The following GALNT18 variants were observed in gnomAD, a reference collection of about 807,000 sequenced individuals.
GALNT18 encodes the protein GalNAc-transferase 18.
In GALNT18, 44 loss-of-function variants were observed where a neutral mutation model predicts 69.5. That is an observed-to-expected ratio of 0.63 (90% CI 0.50 to 0.81). The LOEUF (loss-of-function observed/expected upper bound fraction) is 0.81, where lower values mean the gene tolerates loss of function less well. Among genes scored for constraint, GALNT18 ranks in the 40% least tolerant of loss-of-function variants. GALNT18 has a pLI of 0.00. For synonymous variants in GALNT18, 364 were observed against 318.2 expected (o/e 1.14, Z -1.53); for missense variants, 715 against 810.0 (o/e 0.88, Z 1.42).
chr11:11,529,835 T>C (rs548512249), intron 1 of GALNT18, among the ~76,000 whole-genome samples: 2 of 152,286 alleles, frequency 1.3e-5, no homozygotes, highest in East Asian at 3.9e-4. Context: ...TGTGTATGTG[T>C]GTGAGTGTGT....
rs796759591 is a variant in GALNT18 at position 11,620,869 on chromosome 11, C to T, written c.235+490G>A. The stretch of plus-strand genomic sequence containing the variant: ...ATACAACGCAATTTTCCTAGCCTCG[C>T]TTGTCCGGCAGCCTGCGGGTCTTAA... On this transcript the variant is annotated intron_variant, in intron 1 of 10. Coordinates refer to ENST00000227756, the MANE Select transcript of GALNT18 (RefSeq NM_198516.3). This position sits in a 1 kb window ranked among gnomAD's most constrained non-coding sequence, Gnocchi z 6.9. Among the ~76,000 whole-genome samples, 132 of 152,202 alleles carry T rather than the reference C, an allele frequency of 8.7e-4. No individual in the cohort carries two copies. Among genetic ancestry groups the T allele is most frequent in the African/African-American group, 2.9e-3 (122 of 41,460 alleles).
chr11:11,354,976 A>G (rs1850497892), intron 6 of GALNT18, among the ~76,000 whole-genome samples: 1 of 152,082 alleles, frequency 6.6e-6, no homozygotes. Context: ...TACCTCCTAA[A>G]TATAGCTTGA....
chr11:11,352,317 C>T (rs751843303), intron 6 of GALNT18: 18 of 1,613,894 alleles, frequency 1.1e-5, no homozygotes, highest in African/African-American at 4.0e-5. Flanking sequence ...ATCATTGAAA[C>T]GTGGATCTAA....
chr11:11,570,623 C>T (rs1378076704), intron 1 of GALNT18, among the ~76,000 whole-genome samples: 1 of 152,250 alleles, frequency 6.6e-6, no homozygotes, highest in African/African-American at 2.4e-5. Flanking sequence ...GCCACCCCAG[C>T]TCAGGAAGGA....
At chr11:11,371,263 A>T (rs1015780212) in intron 6 of GALNT18, among the ~76,000 whole-genome samples, 6 of 152,196 alleles carry the variant, frequency 3.9e-5, no homozygotes, top group Admixed American at 1.3e-4. Flanking sequence ...GTGGGTGTCC[A>T]ATCTCCCCTT....
Position 11,320,345 on chromosome 11 carries a change from C to T in GALNT18, c.1512+6741G>A, listed in dbSNP as rs1243163292. On this transcript the variant is annotated intron_variant, in intron 9 of 10. Coordinates refer to ENST00000227756, the MANE Select transcript of GALNT18 (RefSeq NM_198516.3). The surrounding 1 kb of genome is among the most constrained non-coding windows in gnomAD (Gnocchi z 4.9). ...TCTCCTGCAGTTGTACAGTGCACAA[C>T]CTGCACAATGGCATGTGACAGTTCC... Among the ~76,000 whole-genome samples the T allele has an allele frequency of 6.6e-6, 1 of 152,240 alleles. No individual in the cohort carries two copies. The highest frequency in any genetic ancestry group is 1.5e-5 in the Non-Finnish European group (1 of 68,052).
chr11:11,380,995 C>T (rs931114772), intron 3 of GALNT18, among the ~76,000 whole-genome samples: 6 of 152,160 alleles, frequency 3.9e-5, no homozygotes, highest in Non-Finnish European at 8.8e-5. Flanking sequence ...GGAGAAAACT[C>T]GACTGACTTC....
intron 3 of GALNT18, among the ~76,000 whole-genome samples, chr11:11,426,242 A>T (rs1855127409): frequency 6.6e-6 from 1 of 152,200 alleles, no homozygotes; most frequent in East Asian, 1.9e-4. Context: ...TCCACCCCAC[A>T]TTCATGCCAT....
Position 11,358,859 on chromosome 11 carries a change from A to ACACACACACACACACG in GALNT18, c.1092+13655_1092+13656insCGTGTGTGTGTGTGTG, listed in dbSNP as rs1554921791. ...CACACACACACACACACACACACAC[A>ACACACACACACACACG]CACGCACAGACATGTTATCCCAAGC... On this transcript the variant is annotated intron_variant, in intron 6 of 10. Transcript: ENST00000227756. Among the ~76,000 whole-genome samples, 197 of 130,096 alleles carry ACACACACACACACACG rather than the reference A, an allele frequency of 1.5e-3. 23 individuals carry two copies. Among genetic ancestry groups the ACACACACACACACACG allele is most frequent in the African/African-American group, 4.9e-3 (163 of 33,156 alleles). The allele number at this position is 130,096 out of a possible 152,430, so 85.3% of individuals were successfully genotyped here.
intron 10 of GALNT18, among the ~76,000 whole-genome samples, chr11:11,289,233 C>T (rs1849253743): frequency 6.7e-6 from 1 of 149,402 alleles, no homozygotes; most frequent in African/African-American, 2.4e-5. Context: ...GTAAGCAAAA[C>T]TTCCACATAT....
At position 11,387,963 on chromosome 11, in the gene GALNT18, A is replaced by G. The variant is rs1229530179; in HGVS notation, c.596-8699T>C. Among the ~76,000 whole-genome samples the G allele has an allele frequency of 6.6e-6, 1 of 152,224 alleles. No homozygotes were observed. Among genetic ancestry groups the G allele is most frequent in the African/African-American group, 2.4e-5 (1 of 41,464 alleles). The stretch of plus-strand genomic sequence containing the variant: ...CCCGAGGTTCATTCTTATGTCTGCT[A>G]CACTTAACAGCTGCACTTCTGTCCA... On this transcript the variant is annotated intron_variant, in intron 3 of 10. Coordinates refer to ENST00000227756, the MANE Select transcript of GALNT18 (RefSeq NM_198516.3). This position sits in a 1 kb window ranked among gnomAD's most constrained non-coding sequence, Gnocchi z 4.6.
At chr11:11,476,035 T>C (rs1590036778) in intron 1 of GALNT18, 1 of 152,214 alleles carries the variant, frequency 6.6e-6, no homozygotes, top group East Asian at 1.9e-4. Flanking sequence ...GATAGAAATA[T>C]GGACATGGCG....
rs1221380112 is a variant in GALNT18, at chr11:11,541,347, C to G, written c.235+80012G>C. Among the ~76,000 whole-genome samples the G allele has an allele frequency of 6.6e-6, 1 of 152,190 alleles. No homozygotes were observed. Among genetic ancestry groups the G allele is most frequent in the African/African-American group, 2.4e-5 (1 of 41,444 alleles). ...GGGCTTCCTCAAACTCCACCTAGAT[C>G]ACCACCGTTATGATGATGATCTCCG... On this transcript the variant is annotated intron_variant, in intron 1 of 10. Transcript: ENST00000227756. This position sits in a 1 kb window ranked among gnomAD's most constrained non-coding sequence, Gnocchi z 4.8.
At chr11:11,408,263 G>A (rs956059616) in intron 3 of GALNT18, among the ~76,000 whole-genome samples, 3 of 151,184 alleles carry the variant, frequency 2.0e-5, no homozygotes, top group African/African-American at 7.3e-5. Flanking sequence ...AGCTACTTGG[G>A]AGGCTGAGGC....
chr11:11,418,142 T>A (rs567164953), intron 3 of GALNT18, among the ~76,000 whole-genome samples: 1 of 152,222 alleles, frequency 6.6e-6, no homozygotes, highest in African/African-American at 2.4e-5. Context: ...TCTATCCCCA[T>A]GTTTCTGTCT....
At chr11:11,399,449 ATTC>A (rs1854411705) in intron 3 of GALNT18, among the ~76,000 whole-genome samples, 1 of 150,832 alleles carries the variant, frequency 6.6e-6, no homozygotes, top group Admixed American at 6.7e-5. Context: ...AAAAATGGCG[ATTC>A]TTCAGCCCAG....
intron 1 of GALNT18, among the ~76,000 whole-genome samples, chr11:11,571,298 G>C (rs1372471154): frequency 6.6e-6 from 1 of 152,188 alleles, no homozygotes; most frequent in Admixed American, 6.5e-5. Context: ...AGGTCCCAAG[G>C]GCATGTCTTT....
intron 10 of GALNT18, among the ~76,000 whole-genome samples, chr11:11,281,721 C>G (rs1268286880): frequency 6.9e-6 from 1 of 145,266 alleles, no homozygotes; most frequent in Non-Finnish European, 1.5e-5. Flanking sequence ...AGCCCAGCCA[C>G]AGCCTCAGCA....
intron 1 of GALNT18, among the ~76,000 whole-genome samples, chr11:11,490,348 A>C (rs1218221878): frequency 6.6e-6 from 1 of 152,076 alleles, no homozygotes; most frequent in African/African-American, 2.4e-5. Context: ...CCCAGCCTTC[A>C]GAACTATGAG....
Sources: gnomAD v4.1 joint callset for allele counts (sites outside exome capture counted in the v4.1 genomes callset) on GRCh38, gnomAD v4.1.1 for gene constraint, Gnocchi (gnomAD v3.1) non-coding constraint, MANE v1.5 for transcripts, NCBI Gene and HGNC (gene_info 2026-07-23, HGNC 2026-07-21) for gene names.